Variants in THEM6 observed in about 807,000 individuals in gnomAD.
THEM6 encodes thioesterase superfamily member 6.
THEM6 carries 10 observed loss-of-function variants against 13.7 expected under a neutral mutation model. That is an observed-to-expected ratio of 0.73 (90% CI 0.45 to 1.24). The LOEUF (loss-of-function observed/expected upper bound fraction) is 1.24. Ranked by LOEUF, THEM6 falls within the 50% of genes most tolerant of loss-of-function variation. The probability of loss-of-function intolerance (pLI) is 0.00; values close to 1 mark genes in which losing one functional copy is unlikely to be tolerated. For synonymous variants in THEM6, 161 were observed against 156.0 expected (o/e 1.03, Z -0.24); for missense variants, 317 against 312.6 (o/e 1.01, Z -0.11).
intron 1 of THEM6, among the ~76,000 whole-genome samples, chr8:142,730,531 C>T (rs1815623856): frequency 6.6e-6 from 1 of 152,216 alleles, no homozygotes; most frequent in South Asian, 2.1e-4. Flanking sequence ...GCGGCCCTGC[C>T]TCCTCTTAAG....
At position 142,727,692 on chromosome 8, in the gene THEM6, C is replaced by G; in HGVS notation, c.346C>G (p.Pro116Ala). The change falls in exon 1 of 2, where the codon CCC becomes GCC. Residue 116 changes from proline (P) to alanine (A), a missense_variant. Coordinates refer to ENST00000336138, the MANE Select transcript of THEM6 (RefSeq NM_016647.3). The part of the protein sequence containing the change: ...RHRRSLRLLE[P>A]FEVRTRLLGW... ...CCGCCGCTCGCTGCGCCTGCTGGAG[C>G]CCTTCGAGGTGCGCACCCGCCTGCT... The G allele has an allele frequency of 7.0e-7, 1 of 1,429,028 alleles. No individual in the cohort carries two copies. Among genetic ancestry groups the G allele is most frequent in the Non-Finnish European group, 9.1e-7 (1 of 1,102,770 alleles). 88.5% of individuals were successfully genotyped at this position (1,429,028 alleles called of 1,614,324 possible).
intron 1 of THEM6, among the ~76,000 whole-genome samples, chr8:142,732,717 T>G (rs1377218232): frequency 1.3e-5 from 2 of 151,372 alleles, no homozygotes; most frequent in Admixed American, 6.6e-5. Flanking sequence ...GTTTCTTTTT[T>G]TTTTTTTTTT....
chr8:142,728,651 A>G (rs188899041), intron 1 of THEM6, among the ~76,000 whole-genome samples: 21 of 152,332 alleles, frequency 1.4e-4, no homozygotes, highest in African/African-American at 4.8e-4. Flanking sequence ...CTGATGTTAC[A>G]GGAAAGGGAT....
chr8:142,730,277 G>T (rs1251056214), intron 1 of THEM6, among the ~76,000 whole-genome samples: 3 of 150,010 alleles, frequency 2.0e-5, no homozygotes, highest in African/African-American at 7.3e-5. Context: ...GCATAAAATA[G>T]GGTTCTTCCC....
At position 142,735,581 on chromosome 8, in the gene THEM6, C is replaced by T; in HGVS notation, c.*142C>T. 2 of 655,178 alleles carry T rather than the reference C, an allele frequency of 3.1e-6. No individual in the cohort carries two copies. Among genetic ancestry groups the T allele is most frequent in the Non-Finnish European group, 5.5e-6 (2 of 365,682 alleles). 40.6% of individuals were successfully genotyped at this position (655,178 alleles called of 1,614,324 possible). Reference sequence around the variant, plus strand: ...CACCCTGCTCCACCCACTGGGCCCCCCCAGTTATTGATACCCCTCTGTGCT... The same window carrying T: ...CACCCTGCTCCACCCACTGGGCCCCTCCAGTTATTGATACCCCTCTGTGCT... On this transcript the variant is annotated 3_prime_UTR_variant, in exon 2 of 2. Coordinates refer to ENST00000336138, the MANE Select transcript of THEM6 (RefSeq NM_016647.3).
rs587622365 is a variant in THEM6, at chr8:142,730,748, T to C, written c.513+2889T>C. On this transcript the variant is annotated intron_variant, in intron 1 of 1. Transcript: ENST00000336138. ...ATTAATGTTAAACTTAATAAAATCT[T>C]TTTTTTTTTTTTTTGAGACAGAGTC... Among the ~76,000 whole-genome samples the C allele has an allele frequency of 2.7e-5, 4 of 147,658 alleles. No homozygotes were observed. In the South Asian group the frequency reaches 8.5e-4, roughly 31 times the overall value.
intron 1 of THEM6, among the ~76,000 whole-genome samples, chr8:142,730,040 C>G (rs587702055): frequency 6.6e-6 from 1 of 152,202 alleles, no homozygotes; most frequent in African/African-American, 2.4e-5. Context: ...AACAAGCATT[C>G]AAGGCGGTGG....
Position 142,727,651 on chromosome 8 carries a change from C to T in THEM6, c.305C>T (p.Ala102Val). Residue 102 changes from alanine to valine, a missense_variant, in exon 1 of 2, where the codon GCC (alanine) becomes GTC (valine). By Grantham distance (64) the Ala-to-Val change is moderately conservative (BLOSUM62 0). Coordinates refer to ENST00000336138, the MANE Select transcript of THEM6 (RefSeq NM_016647.3). ...RELRAHTVLA[A>V]SCARHRRSLR... ...TTGCGGGCGCACACGGTGCTGGCGG[C>T]CTCGTGCGCGCGCCACCGCCGCTCG... 1.4e-6 allele frequency: 2 copies of T among 1,448,726 alleles called. No homozygotes were observed. Among genetic ancestry groups the T allele is most frequent in the East Asian group, 2.9e-5 (1 of 34,352 alleles). The allele number at this position is 1,448,726 out of a possible 1,614,324, so 89.7% of individuals were successfully genotyped here.
At chr8:142,728,587 C>G (rs999239430) in intron 1 of THEM6, among the ~76,000 whole-genome samples, 1 of 152,224 alleles carries the variant, frequency 6.6e-6, no homozygotes, top group Non-Finnish European at 1.5e-5. Flanking sequence ...CTGCCCTCTC[C>G]GGTCTCGGAC....
chr8:142,729,386 A>G (rs1411125030), intron 1 of THEM6, among the ~76,000 whole-genome samples: 1 of 152,242 alleles, frequency 6.6e-6, no homozygotes, highest in Non-Finnish European at 1.5e-5. Flanking sequence ...AGACAGGCTC[A>G]TTTATAACCT....
intron 1 of THEM6, 22 bp from the exon 2 acceptor site, chr8:142,735,304 G>A (rs773026193): frequency 1.3e-6 from 2 of 1,528,214 alleles, no homozygotes; most frequent in East Asian, 2.5e-5. Context: ...TTAGCTGGGT[G>A]TCCCCTTTCT....
chr8:142,727,730 C>T lies in THEM6; in HGVS notation c.384C>T (p.Asp128=). Residue 128 remains aspartate, a synonymous_variant, in exon 1 of 2, where the codon GAC becomes GAT. Transcript: ENST00000336138. ...EVRTRLLGWD[D]RAFYLEARFV... is the part of the protein sequence containing the mutation. ...GCACCCGCCTGCTGGGCTGGGACGA[C>T]CGCGCGTTCTACCTGGAGGCGCGCT... 2 of 1,439,382 alleles carry T rather than the reference C, an allele frequency of 1.4e-6. No individual in the cohort carries two copies. The highest frequency in any genetic ancestry group is 1.8e-6 in the Non-Finnish European group (2 of 1,106,308). The allele number at this position is 1,439,382 out of a possible 1,614,324, so 89.2% of individuals were successfully genotyped here. A position where few individuals can be genotyped will look rare whatever the true frequency, so the allele number is the denominator to read the frequency against.
intron 1 of THEM6, among the ~76,000 whole-genome samples, 192 bp downstream of exon 1, chr8:142,728,051 C>T (rs1421957238): frequency 6.6e-6 from 1 of 152,110 alleles, no homozygotes; most frequent in East Asian, 1.9e-4. Flanking sequence ...TGCCTTTGTT[C>T]GTGGGGGTTC....
At chr8:142,733,415 A>G (rs1815694317) in intron 1 of THEM6, among the ~76,000 whole-genome samples, 1 of 152,220 alleles carries the variant, frequency 6.6e-6, no homozygotes, top group Non-Finnish European at 1.5e-5. Flanking sequence ...AGAAGTTACT[A>G]TTTATTCCTA....
Position 142,727,772 on chromosome 8 carries a change from C to T in THEM6, c.426C>T (p.Asp142=), listed in dbSNP as rs1554642528. The T allele has an allele frequency of 3.4e-6, 5 of 1,463,316 alleles. No individual in the cohort carries two copies. Among genetic ancestry groups the T allele is most frequent in the Admixed American group, 2.5e-5 (1 of 40,200 alleles). The allele number at this position is 1,463,316 out of a possible 1,614,324, so 90.6% of individuals were successfully genotyped here. A position where few individuals can be genotyped will look rare whatever the true frequency, so the allele number is the denominator to read the frequency against. ...YLEARFVSLR[D]GFVCALLRFR... The stretch of plus-strand genomic sequence containing the variant: ...AGGCGCGCTTTGTCAGCCTGCGGGA[C>T]GGCTTCGTGTGCGCGCTGCTGCGCT... Residue 142 remains aspartate, a synonymous_variant, in exon 1 of 2, where the codon GAC becomes GAT. Transcript: ENST00000336138.
intron 1 of THEM6, among the ~76,000 whole-genome samples, chr8:142,729,542 G>A (rs587663528): frequency 6.6e-6 from 1 of 152,176 alleles, no homozygotes; most frequent in Non-Finnish European, 1.5e-5. Context: ...TTTATTATTA[G>A]ATGTAGAAGC....
chr8:142,728,582 C>T (rs1554642663), intron 1 of THEM6, among the ~76,000 whole-genome samples: 1 of 152,224 alleles, frequency 6.6e-6, no homozygotes, highest in Non-Finnish European at 1.5e-5. Context: ...GGGCACTGCC[C>T]TCTCCGGTCT....
chr8:142,732,270 C>G (rs753392145), intron 1 of THEM6, among the ~76,000 whole-genome samples: 8 of 144,378 alleles, frequency 5.5e-5, no homozygotes, highest in Non-Finnish European at 1.2e-4. Context: ...CTTAACCCCT[C>G]AAACCAGGGG....
Position 142,727,523 on chromosome 8 carries a change from G to T in THEM6, c.177G>T (p.Leu59Phe). The T allele has an allele frequency of 6.3e-7, 1 of 1,579,466 alleles. No individual in the cohort carries two copies. Among genetic ancestry groups the T allele is most frequent in the East Asian group, 2.3e-5 (1 of 42,826 alleles). The change falls in exon 1 of 2, where the codon TTG becomes TTT. Residue 59 changes from leucine (L) to phenylalanine (F), a missense_variant. Transcript: ENST00000336138. The stretch of plus-strand genomic sequence containing the variant: ...CGGGCCGCGTGCTGCCCTCGGACTT[G>T]GACCTGCTGCTGCACATGAACAACG... ...RFPGRVLPSD[L>F]DLLLHMNNAR...
Sources: gnomAD v4.1 joint callset for allele counts (sites outside exome capture counted in the v4.1 genomes callset) on GRCh38, gnomAD v4.1.1 for gene constraint, MANE v1.5 for transcripts, NCBI Gene and HGNC (gene_info 2026-07-23, HGNC 2026-07-21) for gene names.